The following PPME1 variants were observed in gnomAD, a reference collection of about 807,000 sequenced individuals.
PPME1 encodes the protein protein phosphatase methylesterase 1, also known as testicular secretory protein Li 39.
PPME1 carries 17 observed loss-of-function variants against 56.9 expected under a neutral mutation model. The observed-to-expected ratio is 0.30, with a 90% CI of 0.20 to 0.45. PPME1 has a LOEUF of 0.45. Ranked by LOEUF, PPME1 falls within the 20% of genes least tolerant of loss-of-function variation. The pLI, the probability that PPME1 is intolerant of heterozygous loss-of-function variation, is 1.00. For missense variants in PPME1, 357 were observed against 483.2 expected, an observed-to-expected ratio of 0.74 and a Z score of 2.45; for synonymous variants, 122 against 156.2, an observed-to-expected ratio of 0.78 and a Z score of 1.63.
intron 9 of PPME1, among the ~76,000 whole-genome samples, chr11:74,244,240 A>G (rs1859450178): frequency 1.3e-5 from 2 of 152,184 alleles, no homozygotes; most frequent in African/African-American, 4.8e-5. Context: ...ATGGGTTTGC[A>G]GATCCCTCTT....
chr11:74,179,537 G>A (rs1210666530), intron 1 of PPME1, among the ~76,000 whole-genome samples: 1 of 152,026 alleles, frequency 6.6e-6, no homozygotes, highest in Non-Finnish European at 1.5e-5. Flanking sequence ...TCCAAGCTCC[G>A]GTGCTACCAA....
intron 3 of PPME1, among the ~76,000 whole-genome samples, chr11:74,212,965 A>G (rs1278213769): frequency 6.6e-6 from 1 of 152,186 alleles, no homozygotes; most frequent in Non-Finnish European, 1.5e-5. Flanking sequence ...GATTGAGAAA[A>G]GGAGAGGGAA....
In PPME1 at chr11:74,175,576, TTGC is replaced by T. The variant is rs546149813; in HGVS notation, c.101+4057_101+4059del. 4.3e-3 allele frequency among the ~76,000 whole-genome samples: 654 copies of T among 152,244 alleles called. 3 individuals are homozygous for T. The highest frequency in any genetic ancestry group is 0.015 in the African/African-American group (631 of 41,530). ...TTTTTCTTTTGCAAGAGATAGAGTC[TTGC>T]TGTGTTGCCCAGGCTGAAGTACAGT... On this transcript the variant is annotated intron_variant, in intron 1 of 13. Transcript: ENST00000328257.
chr11:74,181,383 G>A (rs886641345), intron 1 of PPME1, among the ~76,000 whole-genome samples: 1 of 152,166 alleles, frequency 6.6e-6, no homozygotes, highest in South Asian at 2.1e-4. Context: ...TAAAACTCAT[G>A]AAGCACTTTC....
chr11:74,228,578 G>T (rs1393120265), intron 5 of PPME1, among the ~76,000 whole-genome samples: 3 of 152,090 alleles, frequency 2.0e-5, no homozygotes, highest in Non-Finnish European at 1.5e-5. Context: ...GCATAAATTG[G>T]TTAACTCGTT....
At chr11:74,214,845 G>C (rs1858585951) in intron 3 of PPME1, among the ~76,000 whole-genome samples, 2 of 152,092 alleles carry the variant, frequency 1.3e-5, no homozygotes, top group African/African-American at 4.8e-5. Context: ...GCATCTGAAA[G>C]AAAAGGACAT....
chr11:74,181,814 C>T (rs1259851795), intron 1 of PPME1, among the ~76,000 whole-genome samples: 1 of 152,166 alleles, frequency 6.6e-6, no homozygotes, highest in Non-Finnish European at 1.5e-5. Flanking sequence ...GCTTTGTGGG[C>T]CATGTTAGTC....
At chr11:74,197,927 A>T (rs1259311136) in intron 1 of PPME1, among the ~76,000 whole-genome samples, 2 of 152,150 alleles carry the variant, frequency 1.3e-5, no homozygotes, top group African/African-American at 4.8e-5. Context: ...AACACATTTG[A>T]TTCATGTGAC....
chr11:74,207,825 C>T (rs1216546749), intron 3 of PPME1, among the ~76,000 whole-genome samples: 1 of 152,154 alleles, frequency 6.6e-6, no homozygotes, highest in Non-Finnish European at 1.5e-5. Context: ...TTTTGCCAGC[C>T]TCCAATGGTT....
chr11:74,186,838 A>T lies in PPME1; in HGVS notation c.101+15316A>T, dbSNP rs1368457531. ...GAATTCCAGGTACTAGGTGCCTGTGAAAGGGGGCTTAGAGTTTTCTTCTAA... is the reference window on the plus strand; with the variant it reads ...GAATTCCAGGTACTAGGTGCCTGTGTAAGGGGGCTTAGAGTTTTCTTCTAA... On this transcript the variant is annotated intron_variant, in intron 1 of 13. Coordinates refer to ENST00000328257, the MANE Select transcript of PPME1 (RefSeq NM_016147.3). Among the ~76,000 whole-genome samples the T allele has an allele frequency of 2.0e-5, 3 of 152,208 alleles. No homozygotes were observed. The South Asian group carries it at 6.2e-4, about 31-fold the overall frequency.
chr11:74,179,472 GAGAC>G (rs1473004877), intron 1 of PPME1, among the ~76,000 whole-genome samples: 1 of 152,152 alleles, frequency 6.6e-6, no homozygotes, highest in Admixed American at 6.5e-5. Context: ...TCCAGCCTGG[GAGAC>G]AGAATGAGAC....
chr11:74,177,322 T>C (rs533098374), intron 1 of PPME1, among the ~76,000 whole-genome samples: 2 of 151,814 alleles, frequency 1.3e-5, no homozygotes, highest in East Asian at 3.9e-4. Flanking sequence ...TTTAGCTGGG[T>C]GTGGTGGTGT....
At chr11:74,188,856 T>C (rs921560873) in intron 1 of PPME1, among the ~76,000 whole-genome samples, 3 of 152,222 alleles carry the variant, frequency 2.0e-5, no homozygotes, top group African/African-American at 7.2e-5. Flanking sequence ...AATACACCAT[T>C]AAGGTAATTT....
At chr11:74,252,251 G>GT (rs1249533305) in intron 13 of PPME1, among the ~76,000 whole-genome samples, 7,397 of 118,370 alleles carry the variant, frequency 0.062, 630 homozygotes, top group African/African-American at 0.2. Flanking sequence ...TTTTTTTTTT[G>GT]TTTTTTTTTT....
intron 10 of PPME1, among the ~76,000 whole-genome samples, chr11:74,246,639 C>A (rs185124066): frequency 4.6e-5 from 7 of 152,316 alleles, no homozygotes; most frequent in African/African-American, 9.6e-5. Context: ...TAAAACTTCT[C>A]ACCAAATGAG....
At chr11:74,217,502 G>A (rs550273719) in intron 3 of PPME1, among the ~76,000 whole-genome samples, 86 of 137,174 alleles carry the variant, frequency 6.3e-4, no homozygotes, top group African/African-American at 2.1e-3. Flanking sequence ...GGATCATGCC[G>A]CTGCCCTCTA....
chr11:74,232,860 ATTTTTTTTTTT>A (rs35057762), intron 7 of PPME1, among the ~76,000 whole-genome samples: 4 of 93,862 alleles, frequency 4.3e-5, no homozygotes, highest in African/African-American at 9.2e-5. Flanking sequence ...TTGTTATTTG[ATTTTTTTTTTT>A]TTTTTTTTTT....
At chr11:74,178,776 T>G (rs2135591675) in intron 1 of PPME1, among the ~76,000 whole-genome samples, 1 of 152,350 alleles carries the variant, frequency 6.6e-6, no homozygotes, top group East Asian at 1.9e-4. Context: ...CTTCTTAGTA[T>G]CTCCAAAATT....
chr11:74,204,448 A>T lies in PPME1; in HGVS notation c.288+3A>T. ...CCCTTTCTTGGGCTGTGTTCACGGTAAGTAGGTTGTTGATAGTACAAGTTA... is the reference window on the plus strand; with the variant it reads ...CCCTTTCTTGGGCTGTGTTCACGGTTAGTAGGTTGTTGATAGTACAAGTTA... On this transcript the variant is annotated splice_donor_region_variant and intron_variant, in intron 3 of 13. Coordinates refer to ENST00000328257, the MANE Select transcript of PPME1 (RefSeq NM_016147.3). The T allele has an allele frequency of 6.2e-7, 1 of 1,605,584 alleles. No individual in the cohort carries two copies. The highest frequency in any genetic ancestry group is 8.5e-7 in the Non-Finnish European group (1 of 1,172,912).
Sources: gnomAD v4.1 joint callset for allele counts (sites outside exome capture counted in the v4.1 genomes callset) on GRCh38, gnomAD v4.1.1 for gene constraint, MANE v1.5 for transcripts, NCBI Gene and HGNC (gene_info 2026-07-23, HGNC 2026-07-21) for gene names.